The following KLRG1 variants were observed in gnomAD, a reference collection of about 807,000 sequenced individuals.
The protein encoded by KLRG1 is killer cell lectin-like receptor subfamily G member 1.
KLRG1 carries 16 observed loss-of-function variants against 21.8 expected under a neutral mutation model. The observed-to-expected ratio is 0.73, with a 90% CI of 0.50 to 1.11. The LOEUF (loss-of-function observed/expected upper bound fraction) is 1.11. KLRG1 is among the 50% of genes most tolerant of loss of function. KLRG1 has a pLI of 0.00. For missense variants in KLRG1, 173 were observed against 218.3 expected, an observed-to-expected ratio of 0.79 and a Z score of 1.31; for synonymous variants, 69 against 75.9, an observed-to-expected ratio of 0.91 and a Z score of 0.47.
the KLRG1 span, chr12:9,160,387 G>A: frequency 6.2e-7 from 1 of 1,614,018 alleles, no homozygotes; most frequent in Admixed American, 1.7e-5. Context: ...GATAGTTCAA[G>A]ACATAGATGT....
the KLRG1 span, among the ~76,000 whole-genome samples, chr12:9,140,630 A>T: frequency 6.6e-6 from 1 of 152,214 alleles, no homozygotes; most frequent in African/African-American, 2.4e-5. Context: ...CCATAGAAGG[A>T]ATCTGAGATA....
the KLRG1 span, among the ~76,000 whole-genome samples, chr12:9,035,571 C>T: frequency 1.3e-5 from 2 of 148,602 alleles, no homozygotes; most frequent in South Asian, 2.1e-4. Context: ...ACGTTCTGCA[C>T]GTGTACTCCA....
the KLRG1 span, among the ~76,000 whole-genome samples, chr12:9,117,620 G>A: frequency 6.6e-6 from 1 of 152,134 alleles, no homozygotes; most frequent in Non-Finnish European, 1.5e-5. Context: ...AAGGGCTGAG[G>A]GTTGGGAAGA....
the KLRG1 span, among the ~76,000 whole-genome samples, chr12:9,160,690 G>A: frequency 1.3e-5 from 2 of 152,068 alleles, no homozygotes; most frequent in Non-Finnish European, 1.5e-5. Context: ...CGAGGCGGGC[G>A]GATCATGAGG....
the KLRG1 span, chr12:9,181,109 T>C: frequency 6.2e-7 from 1 of 1,614,150 alleles, no homozygotes; most frequent in South Asian, 1.1e-5. Context: ...GGGGACTTTG[T>C]GCTGGGCTGA....
the KLRG1 span, among the ~76,000 whole-genome samples, chr12:9,044,720 T>C: frequency 2.0e-5 from 3 of 152,068 alleles, no homozygotes; most frequent in Admixed American, 1.3e-4. Context: ...TGGTAAATAT[T>C]GGCAAGAACA....
At chr12:9,101,423 C>G in the KLRG1 span, 1 of 1,590,402 alleles carries the variant, frequency 6.3e-7, no homozygotes, top group Non-Finnish European at 8.6e-7. Context: ...ACAGTGAAGT[C>G]AACGCAGTAA....
At chr12:9,203,169 A>G in the KLRG1 span, among the ~76,000 whole-genome samples, 2 of 152,196 alleles carry the variant, frequency 1.3e-5, no homozygotes, top group Non-Finnish European at 2.9e-5. Context: ...AGTTACAATC[A>G]AAACTAGAAA....
the KLRG1 span, among the ~76,000 whole-genome samples, chr12:9,016,676 G>C: frequency 6.6e-6 from 1 of 152,072 alleles, no homozygotes; most frequent in Non-Finnish European, 1.5e-5. Flanking sequence ...GCAGTGGCAC[G>C]ATCTCGGCCC....
chr12:9,007,255 C>T (rs1258765038), intron 3 of KLRG1, among the ~76,000 whole-genome samples: 1 of 152,004 alleles, frequency 6.6e-6, no homozygotes, highest in Non-Finnish European at 1.5e-5. Flanking sequence ...CTTTTTGCCT[C>T]TCTTTATTTT....
chr12:9,130,965 A>G, the KLRG1 span, among the ~76,000 whole-genome samples: 1 of 152,176 alleles, frequency 6.6e-6, no homozygotes, highest in South Asian at 2.1e-4. Flanking sequence ...ATTATAAGTT[A>G]AATTTTGTAG....
chr12:9,178,813 G>A, the KLRG1 span, among the ~76,000 whole-genome samples: 90,317 of 152,006 alleles, frequency 0.59, 27,774 homozygotes, highest in East Asian at 0.83. Flanking sequence ...ACACACCCCT[G>A]CAGATCAGGG....
intron 1 of KLRG1, among the ~76,000 whole-genome samples, chr12:8,978,652 CTTT>C (rs71045231): frequency 0.35 from 47,539 of 134,140 alleles, 8,972 homozygotes; most frequent in Non-Finnish European, 0.45. Context: ...TTCTTTCTTT[CTTT>C]CTTTCTTTCT....
At chr12:9,069,045 AT>A in the KLRG1 span, 1 of 467,912 alleles carries the variant, frequency 2.1e-6, no homozygotes, top group Non-Finnish European at 3.8e-6. Flanking sequence ...CATAACGCAT[AT>A]ACCTCTGTCA....
the KLRG1 span, chr12:9,099,365 G>C: frequency 6.4e-7 from 1 of 1,550,608 alleles, no homozygotes; most frequent in Admixed American, 2.0e-5. Flanking sequence ...AAGATTTTAT[G>C]ATCTAAAACA....
chr12:9,185,952 CGT>C, the KLRG1 span, among the ~76,000 whole-genome samples: 1 of 151,824 alleles, frequency 6.6e-6, no homozygotes, highest in East Asian at 1.9e-4. Context: ...GGACTACAGG[CGT>C]GCACCATCAC....
the KLRG1 span, chr12:9,200,471 T>A: frequency 6.5e-7 from 1 of 1,531,282 alleles, no homozygotes. Flanking sequence ...ATAATAGGAA[T>A]AAGGAAGGTT....
chr12:9,002,910 TACACACACACAC>T (rs59706974), intron 3 of KLRG1, among the ~76,000 whole-genome samples: 2 of 144,618 alleles, frequency 1.4e-5, no homozygotes, highest in African/African-American at 5.2e-5. Flanking sequence ...CTCTTTCTAA[TACACACACACAC>T]ACACACACAC....
At position 8,963,970 on chromosome 12, in the gene KLRG1, T is replaced by A. The variant is rs371609920; in HGVS notation, c.-156+13734T>A. 2.6e-5 allele frequency among the ~76,000 whole-genome samples: 4 copies of A among 152,208 alleles called. No homozygotes were observed. The East Asian group carries it at 5.8e-4, about 22-fold the overall frequency. ...GCTAGTGGTCTATCAATTTTGTTTA[T>A]CTCTTCAAAAAACCAGCTCCTGGAT... On this transcript the variant is annotated intron_variant, in intron 1 of 4. Coordinates refer to the KLRG1 transcript ENST00000539240.
Sources: gnomAD v4.1 joint callset for allele counts (sites outside exome capture counted in the v4.1 genomes callset) on GRCh38, gnomAD v4.1.1 for gene constraint, MANE v1.5 for transcripts, NCBI Gene and HGNC (gene_info 2026-07-23, HGNC 2026-07-21) for gene names.